Variants in DLGAP1 observed in about 807,000 individuals in gnomAD.
The protein encoded by DLGAP1 is DLG associated protein 1.
Under a neutral mutation model 90.8 loss-of-function variants are expected in DLGAP1, and 11 were observed. That is an observed-to-expected ratio of 0.12 (90% CI 0.08 to 0.20). The LOEUF is 0.20. Ranked by LOEUF, DLGAP1 falls within the 10% of genes least tolerant of loss-of-function variation. The probability of loss-of-function intolerance (pLI) is 1.00; values close to 1 mark genes in which losing one functional copy is unlikely to be tolerated. For synonymous variants in DLGAP1, 558 were observed against 540.7 expected (o/e 1.03, Z -0.44); for missense variants, 1,050 against 1,333.8 (o/e 0.79, Z 3.31).
intron 1 of DLGAP1, among the ~76,000 whole-genome samples, chr18:4,181,741 A>C (rs8099660): frequency 0.065 from 9,884 of 151,828 alleles, 1,041 homozygotes; most frequent in African/African-American, 0.22. Context: ...CTCACTTCTC[A>C]CATGGGCTGT....
chr18:4,182,273 T>A (rs1370472155), intron 1 of DLGAP1, among the ~76,000 whole-genome samples: 2 of 152,064 alleles, frequency 1.3e-5, no homozygotes, highest in Non-Finnish European at 2.9e-5. Flanking sequence ...CTCTCTCTAT[T>A]TGCCTAAAAT....
At chr18:3,522,546 C>CTTTTTT (rs532794429) in intron 10 of DLGAP1, among the ~76,000 whole-genome samples, 10 of 116,550 alleles carry the variant, frequency 8.6e-5, no homozygotes, top group East Asian at 7.6e-4. Flanking sequence ...GCAGTCAACT[C>CTTTTTT]TTTTTTTTTT....
intron 6 of DLGAP1, among the ~76,000 whole-genome samples, chr18:3,735,709 T>A (rs1302016569): frequency 7.1e-6 from 1 of 141,368 alleles, no homozygotes; most frequent in Non-Finnish European, 1.5e-5. Flanking sequence ...AATTAGATAA[T>A]AAGCAAGGCT....
intron 1 of DLGAP1, among the ~76,000 whole-genome samples, chr18:4,415,709 C>CT (rs1260449629): frequency 1.3e-5 from 2 of 152,030 alleles, no homozygotes; most frequent in African/African-American, 4.8e-5. Context: ...AGCTTTATGT[C>CT]TTGGGCTAAG....
intron 7 of DLGAP1, among the ~76,000 whole-genome samples, chr18:3,663,132 G>A (rs1301590197): frequency 1.3e-5 from 2 of 152,068 alleles, no homozygotes; most frequent in African/African-American, 4.8e-5. Flanking sequence ...TTAGCCGGGT[G>A]TGGTGGTGCA....
intron 2 of DLGAP1, among the ~76,000 whole-genome samples, chr18:4,013,177 G>A (rs951959191): frequency 2.0e-5 from 3 of 152,184 alleles, no homozygotes; most frequent in Non-Finnish European, 2.9e-5. Context: ...GTCTTGTGCT[G>A]TTGGGGTACC....
At chr18:3,670,693 A>G (rs1820539461) in intron 7 of DLGAP1, among the ~76,000 whole-genome samples, 1 of 152,230 alleles carries the variant, frequency 6.6e-6, no homozygotes, top group African/African-American at 2.4e-5. Flanking sequence ...AGAAATTTCT[A>G]ATTAATGTCT....
chr18:3,736,543 G>C (rs139522007), intron 6 of DLGAP1, among the ~76,000 whole-genome samples: 1 of 152,120 alleles, frequency 6.6e-6, no homozygotes. Flanking sequence ...AAATTCTATA[G>C]TATTATAGCT....
At chr18:4,083,375 TA>T (rs1158801781) in intron 2 of DLGAP1, among the ~76,000 whole-genome samples, 1 of 152,216 alleles carries the variant, frequency 6.6e-6, no homozygotes, top group Non-Finnish European at 1.5e-5. Flanking sequence ...TCTTTTTCTT[TA>T]TTATAAAAGT....
At chr18:4,037,196 A>C (rs2074902808) in intron 2 of DLGAP1, among the ~76,000 whole-genome samples, 1 of 152,212 alleles carries the variant, frequency 6.6e-6, no homozygotes, top group Admixed American at 6.5e-5. Flanking sequence ...TAAGAAGGAT[A>C]AAGAACACCA....
rs570055746 is a variant in DLGAP1, at chr18:4,227,602, A to C, written c.-266-76315T>G. Among the ~76,000 whole-genome samples, 170 of 152,062 alleles carry C rather than the reference A, an allele frequency of 1.1e-3. 1 individual carries two copies. Among genetic ancestry groups the C allele is most frequent in the African/African-American group, 4.0e-3 (166 of 41,546 alleles). On this transcript the variant is annotated intron_variant, in intron 1 of 12. Coordinates refer to ENST00000315677, the MANE Select transcript of DLGAP1 (RefSeq NM_004746.4). The stretch of plus-strand genomic sequence containing the variant: ...AATAATATGCCCCCAAATGATTAGT[A>C]AGTGGGTGAAAAAATTAAGAGTGCA...
intron 4 of DLGAP1, among the ~76,000 whole-genome samples, chr18:3,820,358 G>C (rs778953067): frequency 1.1e-4 from 17 of 152,206 alleles, no homozygotes; most frequent in Non-Finnish European, 1.3e-4. Context: ...ACCCAAGGCT[G>C]TGAGTACATA....
intron 1 of DLGAP1, among the ~76,000 whole-genome samples, chr18:4,387,716 A>C (rs888429285): frequency 1.3e-5 from 2 of 152,158 alleles, no homozygotes; most frequent in African/African-American, 2.4e-5. Flanking sequence ...GCAGATCATG[A>C]GGTCAGGAGT....
chr18:3,534,082 G>T (rs1027435703), intron 10 of DLGAP1, 112 bp downstream of exon 10: 6 of 1,225,116 alleles, frequency 4.9e-6, no homozygotes, highest in Admixed American at 2.5e-5. Flanking sequence ...TTGGGGTGTG[G>T]AACGTCAAGG....
rs552301531 is a variant in DLGAP1, at chr18:3,655,287, G to C, written c.1592-73039C>G. Among the ~76,000 whole-genome samples the C allele has an allele frequency of 1.6e-3, 240 of 152,152 alleles. 2 individuals carry two copies. Among genetic ancestry groups the C allele is most frequent in the Non-Finnish European group, 2.8e-3 (190 of 68,014 alleles). ...CACACACCCCCCCAAAACAAACACA[G>C]AAACTCACAAAAGAAGAAAATGACA... On this transcript the variant is annotated intron_variant, in intron 7 of 12. Transcript: ENST00000315677.
intron 1 of DLGAP1, among the ~76,000 whole-genome samples, chr18:4,382,775 T>C (rs1323031304): frequency 6.6e-6 from 1 of 152,152 alleles, no homozygotes; most frequent in Non-Finnish European, 1.5e-5. Flanking sequence ...CTATCTCACA[T>C]GTATACAATT....
rs780908175 is a variant in DLGAP1, at chr18:3,882,306, G to C, written c.-72-2166C>G. ...AATCCCAGCACTTTGGGAGGCCAAG[G>C]TTGGAGAATCGCTTGAACCCAGGAG... On this transcript the variant is annotated intron_variant, in intron 3 of 12. Transcript: ENST00000315677. Among the ~76,000 whole-genome samples, 3 of 151,970 alleles carry C rather than the reference G, an allele frequency of 2.0e-5. No individual in the cohort carries two copies. In the East Asian group the frequency reaches 5.8e-4, roughly 29 times the overall value.
chr18:3,507,293 G>A (rs1473436016), intron 11 of DLGAP1, among the ~76,000 whole-genome samples: 1 of 149,980 alleles, frequency 6.7e-6, no homozygotes, highest in East Asian at 2.0e-4. Flanking sequence ...AGACTATCCT[G>A]GCTAACACCA....
At chr18:4,199,164 G>A (rs1030169897) in intron 1 of DLGAP1, among the ~76,000 whole-genome samples, 5 of 152,320 alleles carry the variant, frequency 3.3e-5, no homozygotes, top group African/African-American at 4.8e-5. Context: ...CAAGCTGCTC[G>A]GGGAGCCAGC....
Sources: allele counts gnomAD v4.1 joint callset (sites outside exome capture counted in the v4.1 genomes callset), GRCh38; gene constraint gnomAD v4.1.1; transcripts MANE v1.5; gene names NCBI Gene and HGNC (gene_info 2026-07-23, HGNC 2026-07-21).